Variants in SQOR observed in about 807,000 individuals in gnomAD.
SQOR encodes the protein sulfide:quinone oxidoreductase, mitochondrial.
Under a neutral mutation model 48.6 loss-of-function variants are expected in SQOR, and 39 were observed. The observed-to-expected ratio is 0.80, with a 90% confidence interval of 0.62 to 1.05. The LOEUF is 1.05. Ranked by LOEUF, SQOR falls within the 50% of genes least tolerant of loss-of-function variation. The pLI is 0.00. For missense variants in SQOR, 561 were observed against 559.9 expected (o/e 1.00, Z -0.02); for synonymous variants, 220 against 206.2 (o/e 1.07, Z -0.57).
At chr15:45,650,110 T>C (rs567183310) in intron 1 of SQOR, among the ~76,000 whole-genome samples, 1 of 152,202 alleles carries the variant, frequency 6.6e-6, no homozygotes, top group South Asian at 2.1e-4. Flanking sequence ...CCCAAAGTGC[T>C]GGGATTACAG....
chr15:45,647,141 C>T (rs534224688), intron 1 of SQOR, among the ~76,000 whole-genome samples: 1 of 151,934 alleles, frequency 6.6e-6, no homozygotes, highest in Admixed American at 6.5e-5. Context: ...CCCAGCTACT[C>T]AGGAGGCTGA....
At position 45,662,023 on chromosome 15, in the gene SQOR, T is replaced by C. The variant is rs372185368; in HGVS notation, c.303T>C (p.Arg101=). 6.8e-6 allele frequency: 11 copies of C among 1,614,224 alleles called. No individual in the cohort carries two copies. In the East Asian group the frequency reaches 8.9e-5, roughly 13 times the overall value. The change falls in exon 3 of 10, where the codon CGT becomes CGC. Residue 101 remains arginine, a synonymous_variant. Coordinates refer to ENST00000260324, the MANE Select transcript of SQOR (RefSeq NM_021199.4). ...CCAAACAATTGTCCTCATCTGGTCG[T>C]CCCACGGCAAGTGTGATTCCATCTG... ...AGAKQLSSSG[R]PTASVIPSGV...
intron 1 of SQOR, among the ~76,000 whole-genome samples, chr15:45,658,585 A>G (rs931719038): frequency 2.0e-5 from 3 of 152,194 alleles, no homozygotes; most frequent in African/African-American, 7.2e-5. Context: ...GGTGCCCTAG[A>G]TCTTACGGAT....
At position 45,685,111 on chromosome 15, in the gene SQOR, T is replaced by C. The variant is rs748812655; in HGVS notation, c.1048+2450T>C. ...TTGCGGTTTTTGCCATTAAGAGTAA[T>C]GTCTCTAAATTTTTGCCATTAAGAG... On this transcript the variant is annotated intron_variant, in intron 7 of 9. Coordinates refer to ENST00000260324, the MANE Select transcript of SQOR (RefSeq NM_021199.4). 4.6e-5 allele frequency among the ~76,000 whole-genome samples: 7 copies of C among 152,302 alleles called. 1 individual carries two copies. In the South Asian group the frequency reaches 1.0e-3, roughly 23 times the overall value.
At chr15:45,673,537 T>C in intron 4 of SQOR, 70 bp from the exon 5 acceptor site, 2 of 1,484,330 alleles carry the variant, frequency 1.3e-6, no homozygotes, top group Non-Finnish European at 1.8e-6. Context: ...GTTGTAGAAA[T>C]GGCAAAGAAC....
intron 9 of SQOR, among the ~76,000 whole-genome samples, chr15:45,690,256 G>A (rs1045889532): frequency 2.0e-5 from 3 of 151,956 alleles, no homozygotes; most frequent in African/African-American, 4.8e-5. Flanking sequence ...AGTAGAGACA[G>A]GGTTTTGCCA....
At chr15:45,636,484 A>T (rs1440126483) in intron 1 of SQOR, among the ~76,000 whole-genome samples, 7 of 151,260 alleles carry the variant, frequency 4.6e-5, no homozygotes, top group Admixed American at 4.6e-4. Flanking sequence ...GTTCAATGCA[A>T]CCTCCGCCTG....
At chr15:45,662,247 A>G in intron 3 of SQOR, 122 bp downstream of exon 3, 1 of 1,025,530 alleles carries the variant, frequency 9.8e-7, no homozygotes, top group Non-Finnish European at 1.4e-6. Flanking sequence ...GCATGAACGT[A>G]TGTGTGTTGA....
intron 9 of SQOR, 50 bp from the exon 10 acceptor site, chr15:45,690,923 C>T (rs376514384): frequency 2.8e-5 from 43 of 1,527,020 alleles, no homozygotes; most frequent in Middle Eastern, 1.7e-4. Context: ...TGACTGAAGT[C>T]GCCCCATCTC....
intron 1 of SQOR, among the ~76,000 whole-genome samples, chr15:45,651,111 G>T (rs533896891): frequency 6.6e-6 from 1 of 152,356 alleles, no homozygotes; most frequent in South Asian, 2.1e-4. Context: ...CACCGCTGGG[G>T]GGCTGGGGCA....
In SQOR at chr15:45,636,197, C is replaced by T. The variant is rs150328447; in HGVS notation, c.-18+1089C>T. ...TATAAAGGAAACCAATTGCAAAACACATGTCAAAACATTAAAAGAATTTAT... is the reference window on the plus strand; with the variant it reads ...TATAAAGGAAACCAATTGCAAAACATATGTCAAAACATTAAAAGAATTTAT... On this transcript the variant is annotated intron_variant, in intron 1 of 9. Transcript: ENST00000260324. 6.2e-3 allele frequency among the ~76,000 whole-genome samples: 950 copies of T among 152,076 alleles called. 2 individuals are homozygous for T. Among genetic ancestry groups the T allele is most frequent in the African/African-American group, 0.022 (915 of 41,448 alleles).
chr15:45,687,590 C>CA (rs1890246091), intron 7 of SQOR, among the ~76,000 whole-genome samples: 1 of 144,804 alleles, frequency 6.9e-6, no homozygotes, highest in African/African-American at 2.5e-5. Context: ...AAAAATACAG[C>CA]GGGAAAAAAA....
chr15:45,640,663 T>C (rs754874737), intron 1 of SQOR, among the ~76,000 whole-genome samples: 1 of 152,206 alleles, frequency 6.6e-6, no homozygotes, highest in Non-Finnish European at 1.5e-5. Context: ...TTGAATGAAA[T>C]GGCCAGTCCC....
At chr15:45,686,957 G>A (rs1566924527) in intron 7 of SQOR, among the ~76,000 whole-genome samples, 1 of 151,988 alleles carries the variant, frequency 6.6e-6, no homozygotes. Flanking sequence ...TTACAGGAGC[G>A]ACACCACGCC....
chr15:45,676,965 C>T (rs2140958168), intron 6 of SQOR, among the ~76,000 whole-genome samples: 1 of 151,304 alleles, frequency 6.6e-6, no homozygotes, highest in South Asian at 2.1e-4. Context: ...CGCTGGAACC[C>T]AGAAGGCGGA....
intron 3 of SQOR, among the ~76,000 whole-genome samples, chr15:45,669,206 A>G (rs116400652): frequency 0.017 from 2,586 of 149,400 alleles, 97 homozygotes; most frequent in African/African-American, 0.06. Context: ...GTCTCACTCT[A>G]TCAACAAGGC....
chr15:45,657,617 A>G (rs1441253486), intron 1 of SQOR, among the ~76,000 whole-genome samples: 1 of 152,154 alleles, frequency 6.6e-6, no homozygotes, highest in Non-Finnish European at 1.5e-5. Flanking sequence ...TAATCTTAAC[A>G]GCCCCTCAGC....
At chr15:45,639,839 G>C (rs1480344759) in intron 1 of SQOR, among the ~76,000 whole-genome samples, 1 of 152,158 alleles carries the variant, frequency 6.6e-6, no homozygotes, top group African/African-American at 2.4e-5. Context: ...AGCCTTTCAA[G>C]GTCTAGGTGA....
intron 1 of SQOR, among the ~76,000 whole-genome samples, chr15:45,654,037 G>A (rs1311025388): frequency 2.0e-5 from 3 of 150,874 alleles, no homozygotes; most frequent in Non-Finnish European, 4.4e-5. Flanking sequence ...TGGGGAAATC[G>A]CTTGAACTCA....
Sources: gnomAD v4.1 joint callset for allele counts (sites outside exome capture counted in the v4.1 genomes callset) on GRCh38, gnomAD v4.1.1 for gene constraint, MANE v1.5 for transcripts, NCBI Gene and HGNC (gene_info 2026-07-23, HGNC 2026-07-21) for gene names.